Variants in ATP2B1 observed in about 807,000 individuals in gnomAD.
The protein encoded by ATP2B1 is ATPase plasma membrane Ca2+ transporting 1, also known as plasma membrane calcium-transporting ATPase 1.
Under a neutral mutation model 124.2 loss-of-function variants are expected in ATP2B1, and 14 were observed. The ratio of observed to expected loss-of-function variants is 0.11; its 90% CI spans 0.07 to 0.18. The LOEUF (loss-of-function observed/expected upper bound fraction) is 0.18, where lower values mean the gene tolerates loss of function less well. Ranked by LOEUF, ATP2B1 falls within the 10% of genes least tolerant of loss-of-function variation. The probability of loss-of-function intolerance (pLI) is 1.00; values close to 1 mark genes in which losing one functional copy is unlikely to be tolerated. For missense variants in ATP2B1, 763 were observed against 1,466.1 expected, an observed-to-expected ratio of 0.52 and a Z score of 7.83; for synonymous variants, 449 against 492.4, an observed-to-expected ratio of 0.91 and a Z score of 1.17.
chr12:89,639,961 G>A (rs1280407520), intron 3 of ATP2B1, among the ~76,000 whole-genome samples: 1 of 152,122 alleles, frequency 6.6e-6, no homozygotes, highest in African/African-American at 2.4e-5. Flanking sequence ...CCCAATATTT[G>A]ATAGTGACAG....
chr12:89,624,536 G>A (rs1469462328), intron 8 of ATP2B1, 139 bp from the exon 9 acceptor site: 8 of 756,546 alleles, frequency 1.1e-5, no homozygotes, highest in Non-Finnish European at 1.7e-5. Context: ...CTTCTTTCTT[G>A]CACCTTATAA....
chr12:89,624,456 G>T, intron 8 of ATP2B1, 59 bp from the exon 9 acceptor site: 2 of 1,372,198 alleles, frequency 1.5e-6, no homozygotes, highest in Non-Finnish European at 2.0e-6. Context: ...ACTAACCCTT[G>T]CCAGATATAA....
intron 2 of ATP2B1, among the ~76,000 whole-genome samples, chr12:89,643,125 CG>C (rs1883867254): frequency 6.8e-6 from 1 of 146,462 alleles, no homozygotes; most frequent in Non-Finnish European, 1.5e-5. Context: ...CGTATATACA[CG>C]TATATATGTA....
At chr12:89,604,105 AC>A (rs1255907164) in intron 16 of ATP2B1, 49 bp downstream of exon 16, 1 of 1,543,352 alleles carries the variant, frequency 6.5e-7, no homozygotes, top group Non-Finnish European at 8.8e-7. Context: ...CATTTAATAT[AC>A]TTTTTAAATT....
At chr12:89,708,107 C>T (rs2136937011) in intron 1 of ATP2B1, among the ~76,000 whole-genome samples, 2 of 152,288 alleles carry the variant, frequency 1.3e-5, no homozygotes, top group South Asian at 4.1e-4. Context: ...CAGGGGCCCC[C>T]GCTCCCCTCC....
At chr12:89,707,880 G>A (rs1892675636) in intron 1 of ATP2B1, among the ~76,000 whole-genome samples, 1 of 152,236 alleles carries the variant, frequency 6.6e-6, no homozygotes, top group South Asian at 2.1e-4. Context: ...CCTGCCACTG[G>A]AACGCGGTCC....
chr12:89,592,108 A>C (rs1166330663), intron 20 of ATP2B1, among the ~76,000 whole-genome samples: 1 of 152,092 alleles, frequency 6.6e-6, no homozygotes, highest in Non-Finnish European at 1.5e-5. Context: ...TCAACAATTC[A>C]TCTTCCTCTC....
intron 11 of ATP2B1, among the ~76,000 whole-genome samples, chr12:89,619,565 C>A (rs1050820941): frequency 6.7e-5 from 10 of 149,802 alleles, no homozygotes; most frequent in South Asian, 2.1e-4. Context: ...GAGCTGAGAT[C>A]GCGCCACTGC....
At chr12:89,659,767 CA>C (rs573308313) in intron 1 of ATP2B1, among the ~76,000 whole-genome samples, 2 of 151,572 alleles carry the variant, frequency 1.3e-5, no homozygotes, top group East Asian at 3.9e-4. Context: ...CTAAAAAATA[CA>C]AAAAATTAGC....
At chr12:89,598,602 T>A in intron 20 of ATP2B1, 2 of 1,613,722 alleles carry the variant, frequency 1.2e-6, no homozygotes, top group Non-Finnish European at 1.7e-6. Flanking sequence ...CCCACAGTAG[T>A]AGAAGCAGTA....
Position 89,624,285 on chromosome 12 carries a change from T to C in ATP2B1, c.1242A>G (p.Gln414=), listed in dbSNP as rs750906100. 16 of 1,614,226 alleles carry C rather than the reference T, an allele frequency of 9.9e-6. No homozygotes were observed. Among genetic ancestry groups the C allele is most frequent in the Non-Finnish European group, 1.1e-5 (13 of 1,180,032 alleles). Residue 414 remains glutamine (Q), a synonymous_variant, in exon 9 of 21, where the codon CAA becomes CAG. Coordinates refer to ENST00000428670, the MANE Select transcript of ATP2B1 (RefSeq NM_001366521.1). ...WLAECTPIYI[Q]YFVKFFIIGV... ...CAATAATGAAGAACTTCACAAAGTA[T>C]TGTATATAAATTGGTGTGCACTCAG...
chr12:89,683,194 A>G (rs553092464), intron 1 of ATP2B1, among the ~76,000 whole-genome samples: 2 of 152,234 alleles, frequency 1.3e-5, no homozygotes, highest in African/African-American at 4.8e-5. Flanking sequence ...GGGGGAAACA[A>G]TCAATTCACC....
chr12:89,609,407 T>C (rs1466184578), intron 15 of ATP2B1, among the ~76,000 whole-genome samples: 1 of 152,094 alleles, frequency 6.6e-6, no homozygotes, highest in Non-Finnish European at 1.5e-5. Context: ...TGAACCAGTA[T>C]TTTCCAAAAA....
intron 15 of ATP2B1, 74 bp from the exon 16 acceptor site, chr12:89,604,420 TAATA>T: frequency 8.4e-7 from 1 of 1,189,632 alleles, no homozygotes; most frequent in South Asian, 1.6e-5. Flanking sequence ...AATACACACT[TAATA>T]AACAAAAAGT....
At chr12:89,647,776 G>A (rs1884692152) in intron 2 of ATP2B1, among the ~76,000 whole-genome samples, 1 of 152,132 alleles carries the variant, frequency 6.6e-6, no homozygotes, top group Non-Finnish European at 1.5e-5. Context: ...TGGGGTAATT[G>A]GATCATGGGG....
At chr12:89,616,707 A>T in intron 12 of ATP2B1, 95 bp downstream of exon 12, 2 of 1,226,026 alleles carry the variant, frequency 1.6e-6, no homozygotes, top group Non-Finnish European at 2.3e-6. Context: ...AATCACAAAC[A>T]CCAAGAATTT....
At chr12:89,698,859 AGACTGGT>A (rs1477038609) in intron 1 of ATP2B1, among the ~76,000 whole-genome samples, 1 of 152,184 alleles carries the variant, frequency 6.6e-6, no homozygotes, top group Non-Finnish European at 1.5e-5. Context: ...TGAGGGAAGA[AGACTGGT>A]GATCTTAACA....
At chr12:89,642,135 C>CT in intron 3 of ATP2B1, 23 bp downstream of exon 3, 6 of 1,588,730 alleles carry the variant, frequency 3.8e-6, no homozygotes, top group South Asian at 2.3e-5. Flanking sequence ...TCAGACATGT[C>CT]TTTTTTCCCC....
rs549219493 is a variant in ATP2B1, at chr12:89,692,653, G to T, written c.-222+15943C>A. On this transcript the variant is annotated intron_variant, in intron 1 of 20. Coordinates refer to ENST00000428670, the MANE Select transcript of ATP2B1 (RefSeq NM_001366521.1). ...CAATCTGCAAGCTTGCTGTTTTTAT[G>T]ATTGTTTTTGAACTTCGTGTGGTAG... 1.0e-3 allele frequency among the ~76,000 whole-genome samples: 154 copies of T among 152,284 alleles called. No homozygotes were observed. In the Middle Eastern group the frequency reaches 0.014, roughly 13 times the overall value.
Sources: gnomAD v4.1 joint callset for allele counts (sites outside exome capture counted in the v4.1 genomes callset) on GRCh38, gnomAD v4.1.1 for gene constraint, MANE v1.5 for transcripts, NCBI Gene and HGNC (gene_info 2026-07-23, HGNC 2026-07-21) for gene names.